Variants in XYLT1 observed in about 807,000 individuals in gnomAD.
XYLT1 encodes the protein xylosyltransferase 1, also known as beta-D-xylosyltransferase 1.
Under a neutral mutation model 91.3 loss-of-function variants are expected in XYLT1, and 36 were observed. The ratio of observed to expected loss-of-function variants is 0.39; its 90% CI spans 0.30 to 0.52. XYLT1 has a LOEUF of 0.52. XYLT1 is among the 20% of genes least tolerant of loss of function. The probability of loss-of-function intolerance (pLI) is 0.68; values close to 1 mark genes in which losing one functional copy is unlikely to be tolerated. For missense variants in XYLT1, 1,242 were observed against 1,284.5 expected (o/e 0.97, Z 0.51); for synonymous variants, 588 against 532.0 (o/e 1.11, Z -1.45).
At chr16:17,203,192 T>C (rs1298746553) in intron 3 of XYLT1, among the ~76,000 whole-genome samples, 2 of 152,236 alleles carry the variant, frequency 1.3e-5, no homozygotes, top group African/African-American at 4.8e-5. Flanking sequence ...CAATTGCTTT[T>C]AGTTGCTTGT....
rs187316740 is a variant in XYLT1, at chr16:17,422,661, C to T, written c.363+47773G>A. ...TAGCTGGCATTAAAGGCATGCAACA[C>T]CACGCCTAACTAATTTTTGTATTTT... On this transcript the variant is annotated intron_variant, in intron 1 of 11. Coordinates refer to ENST00000261381, the MANE Select transcript of XYLT1 (RefSeq NM_022166.4). Among the ~76,000 whole-genome samples, 10 of 152,174 alleles carry T rather than the reference C, an allele frequency of 6.6e-5. No homozygotes were observed. In the East Asian group the frequency reaches 1.7e-3, roughly 27 times the overall value.
At chr16:17,241,900 A>C (rs1053254668) in intron 3 of XYLT1, among the ~76,000 whole-genome samples, 2 of 152,196 alleles carry the variant, frequency 1.3e-5, no homozygotes, top group South Asian at 4.1e-4. Flanking sequence ...ATTTACAAAG[A>C]AAAAGAGGTT....
At chr16:17,142,279 C>T (rs1340019702) in intron 6 of XYLT1, among the ~76,000 whole-genome samples, 2 of 152,140 alleles carry the variant, frequency 1.3e-5, no homozygotes, top group East Asian at 1.9e-4. Flanking sequence ...CCCACCTTGG[C>T]CTCTCAAAGT....
chr16:17,126,251 C>T (rs1290012695), intron 10 of XYLT1, among the ~76,000 whole-genome samples: 5 of 152,236 alleles, frequency 3.3e-5, no homozygotes, highest in Non-Finnish European at 7.3e-5. Flanking sequence ...TCATTTGTCA[C>T]TGCCAGAAGT....
At chr16:17,443,607 C>A (rs1567205063) in intron 1 of XYLT1, among the ~76,000 whole-genome samples, 1 of 152,150 alleles carries the variant, frequency 6.6e-6, no homozygotes, top group Non-Finnish European at 1.5e-5. Context: ...TATAAATTAT[C>A]CAGCCTCAGG....
chr16:17,310,993 A>C, intron 2 of XYLT1, among the ~76,000 whole-genome samples: 1 of 152,296 alleles, frequency 6.6e-6, no homozygotes, highest in East Asian at 1.9e-4. Context: ...GAGCACGGAG[A>C]AAAAGGTGAA....
intron 8 of XYLT1, 34 bp from the exon 9 acceptor site, chr16:17,134,769 A>AT: frequency 6.2e-7 from 1 of 1,608,144 alleles, no homozygotes; most frequent in Middle Eastern, 1.7e-4. Context: ...GAAAAGCCAC[A>AT]TCAGCGAGTG....
At chr16:17,122,593 G>A (rs952332370) in intron 10 of XYLT1, among the ~76,000 whole-genome samples, 2 of 152,136 alleles carry the variant, frequency 1.3e-5, no homozygotes, top group South Asian at 2.1e-4. Flanking sequence ...TTAAAATTAA[G>A]TCCTATCTAC....
chr16:17,235,871 T>G (rs2033239645), intron 3 of XYLT1, among the ~76,000 whole-genome samples: 1 of 152,038 alleles, frequency 6.6e-6, no homozygotes, highest in Non-Finnish European at 1.5e-5. Flanking sequence ...ATCATTGTTA[T>G]TATTATTATT....
chr16:17,115,799 T>TGAAAAA (rs147928536), intron 11 of XYLT1, among the ~76,000 whole-genome samples: 1 of 13,608 alleles, frequency 7.3e-5, no homozygotes, highest in Non-Finnish European at 8.6e-4. Flanking sequence ...CTCTGTTATA[T>TGAAAAA]TAAAAAAAAA....
At chr16:17,462,773 G>A (rs887385618) in intron 1 of XYLT1, among the ~76,000 whole-genome samples, 1 of 152,160 alleles carries the variant, frequency 6.6e-6, no homozygotes, top group Admixed American at 6.5e-5. Context: ...TGGTTAGAGA[G>A]AGCTGAATTC....
intron 2 of XYLT1, among the ~76,000 whole-genome samples, chr16:17,281,594 G>A (rs749003597): frequency 6.6e-6 from 1 of 152,202 alleles, no homozygotes; most frequent in South Asian, 2.1e-4. Flanking sequence ...AAGTTGCCTG[G>A]CTAAGGCTCT....
chr16:17,425,723 A>G (rs1315671597), intron 1 of XYLT1, among the ~76,000 whole-genome samples: 1 of 152,098 alleles, frequency 6.6e-6, no homozygotes, highest in Non-Finnish European at 1.5e-5. Context: ...TCTTTCCCCC[A>G]GCACACAGCC....
At chr16:17,131,499 C>T (rs538826909) in intron 9 of XYLT1, among the ~76,000 whole-genome samples, 1 of 152,208 alleles carries the variant, frequency 6.6e-6, no homozygotes, top group South Asian at 2.1e-4. Flanking sequence ...CCTCCAGGTT[C>T]CCATGGTCAG....
intron 1 of XYLT1, among the ~76,000 whole-genome samples, chr16:17,372,786 A>C (rs1219829898): frequency 1.3e-5 from 2 of 152,120 alleles, no homozygotes; most frequent in Non-Finnish European, 2.9e-5. Context: ...TTGGTGCCTC[A>C]GTTTCCTCAT....
chr16:17,401,949 GT>G (rs1200446479), intron 1 of XYLT1, among the ~76,000 whole-genome samples: 1 of 152,158 alleles, frequency 6.6e-6, no homozygotes. Context: ...CATCAACGCA[GT>G]GGTGAATTAT....
chr16:17,386,660 T>G (rs1035007602), intron 1 of XYLT1, among the ~76,000 whole-genome samples: 1 of 152,206 alleles, frequency 6.6e-6, no homozygotes, highest in Non-Finnish European at 1.5e-5. Flanking sequence ...GTCAATTGCA[T>G]CCAAGAAGAT....
intron 1 of XYLT1, among the ~76,000 whole-genome samples, chr16:17,435,654 C>T (rs1238647756): frequency 1.3e-5 from 2 of 152,014 alleles, no homozygotes; most frequent in East Asian, 1.9e-4. Flanking sequence ...TTGATTCAAC[C>T]GACATCTACA....
At chr16:17,224,373 C>T (rs555095209) in intron 3 of XYLT1, among the ~76,000 whole-genome samples, 1 of 152,348 alleles carries the variant, frequency 6.6e-6, no homozygotes, top group Admixed American at 6.5e-5. Context: ...GAAGACCAGG[C>T]ACGTGCATGC....
Sources: gnomAD v4.1 joint callset for allele counts (sites outside exome capture counted in the v4.1 genomes callset) on GRCh38, gnomAD v4.1.1 for gene constraint, MANE v1.5 for transcripts, NCBI Gene and HGNC (gene_info 2026-07-23, HGNC 2026-07-21) for gene names.